Variants in ACOT11 observed in about 807,000 individuals in gnomAD.
ACOT11 encodes the protein acyl-coenzyme A thioesterase 11.
Under a neutral mutation model 77.5 loss-of-function variants are expected in ACOT11, and 69 were observed. The observed-to-expected ratio is 0.89, with a 90% confidence interval of 0.73 to 1.09. The LOEUF is 1.09. ACOT11 is among the 50% of genes least tolerant of loss of function. The pLI is 0.00. For synonymous variants in ACOT11, 279 were observed against 313.0 expected (o/e 0.89, Z 1.15); for missense variants, 766 against 813.7 (o/e 0.94, Z 0.71).
At chr1:54,568,994 C>T (rs2100959145) in intron 1 of ACOT11, among the ~76,000 whole-genome samples, 1 of 151,936 alleles carries the variant, frequency 6.6e-6, no homozygotes, top group East Asian at 1.9e-4. Context: ...GTCTGTAGTC[C>T]CAGCAACTTG....
downstream of ACOT11, among the ~76,000 whole-genome samples, chr1:54,613,426 C>G (rs979495698): frequency 5.3e-5 from 8 of 150,824 alleles, no homozygotes; most frequent in Non-Finnish European, 1.2e-4. Context: ...CTCCCTCCTT[C>G]CCTCCCTCCC....
chr1:54,620,492 G>C (rs927174312), intron 15 of ACOT11, among the ~76,000 whole-genome samples: 2 of 152,052 alleles, frequency 1.3e-5, no homozygotes, highest in South Asian at 4.1e-4. Context: ...GATCACCTGA[G>C]ATTAGGAGTT....
chr1:54,562,570 C>T (rs1400208222), intron 1 of ACOT11, among the ~76,000 whole-genome samples: 1 of 142,836 alleles, frequency 7.0e-6, no homozygotes, highest in African/African-American at 2.6e-5. Context: ...CCCTCCCGGA[C>T]GGGGTGGCTG....
intron 1 of ACOT11, among the ~76,000 whole-genome samples, chr1:54,561,944 C>T (rs1311306932): frequency 1.3e-4 from 11 of 82,876 alleles, no homozygotes; most frequent in African/African-American, 3.1e-4. Context: ...CCGGACGGGG[C>T]GGCTGGCCGG....
chr1:54,596,307 A>G (rs1654896081), intron 6 of ACOT11, among the ~76,000 whole-genome samples: 1 of 151,998 alleles, frequency 6.6e-6, no homozygotes, highest in African/African-American at 2.4e-5. Flanking sequence ...AGAGCCTGCA[A>G]GCCAAGCCAA....
chr1:54,579,604 C>T (rs1654232907), intron 1 of ACOT11, among the ~76,000 whole-genome samples: 1 of 152,224 alleles, frequency 6.6e-6, no homozygotes, highest in African/African-American at 2.4e-5. Context: ...TCAGCTCCCT[C>T]ATACTGCTTA....
At chr1:54,595,505 A>G (rs1189362914) in intron 6 of ACOT11, among the ~76,000 whole-genome samples, 1 of 152,200 alleles carries the variant, frequency 6.6e-6, no homozygotes, top group Admixed American at 6.5e-5. Flanking sequence ...TTTCTATCCC[A>G]GAATCCAGGT....
rs1191733348 is a variant in ACOT11, at chr1:54,605,173, A to G, written c.1334A>G (p.Asp445Gly). The change falls in exon 13 of 16, where the codon GAC becomes GGC. Residue 445 changes from aspartate (D) to glycine (G), a missense_variant. Asp to Gly is a moderately conservative substitution (Grantham distance 94). Transcript: ENST00000343744. The part of the protein sequence containing the change: ...DAAQAFLLLS[D>G]LRQRPEWDKH... Reference sequence around the variant, plus strand: ...GCCCAGGCCTTCCTGCTGCTCTCGGACCTGCGTCAGAGGCCAGAGTGGGAC... The same window carrying G: ...GCCCAGGCCTTCCTGCTGCTCTCGGGCCTGCGTCAGAGGCCAGAGTGGGAC... 3.7e-6 allele frequency: 6 copies of G among 1,613,596 alleles called. No homozygotes were observed. The highest frequency in any genetic ancestry group is 5.1e-6 in the Non-Finnish European group (6 of 1,180,026).
intron 15 of ACOT11, chr1:54,620,025 G>C: frequency 1.2e-6 from 2 of 1,612,796 alleles, no homozygotes; most frequent in Non-Finnish European, 1.7e-6. Context: ...GAATCCCAAG[G>C]GGCTGTTAGC....
chr1:54,613,310 C>T (rs1413550028), downstream of ACOT11, among the ~76,000 whole-genome samples: 5 of 151,802 alleles, frequency 3.3e-5, no homozygotes, highest in Admixed American at 6.6e-5. Flanking sequence ...ACCCAGGAGG[C>T]GGAGGTTGTG....
At chr1:54,563,096 C>T (rs993573977) in intron 1 of ACOT11, among the ~76,000 whole-genome samples, 7 of 151,986 alleles carry the variant, frequency 4.6e-5, no homozygotes, top group Admixed American at 2.0e-4. Flanking sequence ...CCCGTCCGCT[C>T]CTCCAGCCGC....
At position 54,562,942 on chromosome 1, in the gene ACOT11, G is replaced by A. The variant is rs535003387; in HGVS notation, c.33+14600G>A. ...TCCAGAGTGGGCAGCCAGGCAGAGG[G>A]GCTCCTCACATCCCAGACGATGGGC... On this transcript the variant is annotated intron_variant, in intron 1 of 15. Transcript: ENST00000343744. Among the ~76,000 whole-genome samples the A allele has an allele frequency of 7.9e-3, 1,128 of 142,494 alleles. 12 individuals carry two copies. Among genetic ancestry groups the A allele is most frequent in the African/African-American group, 0.028 (1,057 of 38,088 alleles). The allele number at this position is 142,494 out of a possible 152,430, so 93.5% of individuals were successfully genotyped here.
chr1:54,633,288 C>T (rs1008154140), intron 16 of ACOT11, among the ~76,000 whole-genome samples: 22 of 152,112 alleles, frequency 1.4e-4, no homozygotes, highest in Non-Finnish European at 2.8e-4. Flanking sequence ...AAAATGGGCA[C>T]ATAACTCCAA....
intron 10 of ACOT11, among the ~76,000 whole-genome samples, chr1:54,603,153 A>G (rs1032452190): frequency 4.6e-5 from 7 of 152,238 alleles, no homozygotes; most frequent in African/African-American, 1.4e-4. Flanking sequence ...CCTGGCCAAC[A>G]TGGCAAAACC....
rs1488588528 is a variant in ACOT11 at position 54,604,332 on chromosome 1, G to A, written c.1153-14G>A. ...AGGGGGTGGGGTAGTGGTAGCACCT[G>A]TGTACTCTTTCAGGTGTACCTGAGC... On this transcript the variant is annotated splice_polypyrimidine_tract_variant and intron_variant, in intron 11 of 15. Coordinates refer to ENST00000343744, the MANE Select transcript of ACOT11 (RefSeq NM_147161.4). 1.9e-6 allele frequency: 3 copies of A among 1,612,844 alleles called. No individual in the cohort carries two copies. Among genetic ancestry groups the A allele is most frequent in the Non-Finnish European group, 2.5e-6 (3 of 1,179,270 alleles).
At chr1:54,628,365 CTGGTGGCTCACACCTGTGAT>C (rs370575132) in intron 15 of ACOT11, 2,715 of 134,570 alleles carry the variant, frequency 0.02, 649 homozygotes, top group Non-Finnish European at 0.035. Context: ...ATTTTTAGAA[CTGGTGGCTCACACCTGTGAT>C]CCCAGCACTT....
intron 7 of ACOT11, chr1:54,598,514 T>G (rs947795263): frequency 2.0e-5 from 3 of 152,280 alleles, no homozygotes; most frequent in Admixed American, 2.0e-4. Context: ...GGTCAGAATG[T>G]GTAGTTCCAG....
chr1:54,570,253 A>G (rs924158282), intron 1 of ACOT11, among the ~76,000 whole-genome samples: 1 of 152,226 alleles, frequency 6.6e-6, no homozygotes, highest in African/African-American at 2.4e-5. Flanking sequence ...GTAGAGTGCC[A>G]CAGACTCTGT....
intron 9 of ACOT11, among the ~76,000 whole-genome samples, 172 bp downstream of exon 9, chr1:54,601,585 C>T (rs778318635): frequency 6.6e-5 from 10 of 152,216 alleles, no homozygotes; most frequent in Non-Finnish European, 1.2e-4. Context: ...TGGGATGCCC[C>T]TTGTGCAGGG....
Sources: gnomAD v4.1 joint callset for allele counts (sites outside exome capture counted in the v4.1 genomes callset) on GRCh38, gnomAD v4.1.1 for gene constraint, MANE v1.5 for transcripts, NCBI Gene and HGNC (gene_info 2026-07-23, HGNC 2026-07-21) for gene names.